ZNF385D: variants seen among roughly 807,000 people sequenced by gnomAD.
The protein encoded by ZNF385D is zinc finger protein 385D, also known as zinc finger protein 659.
A neutral mutation model predicts 35.8 loss-of-function variants in ZNF385D; 15 were observed. That is an observed-to-expected ratio of 0.42 (90% CI 0.28 to 0.64). ZNF385D has a LOEUF of 0.64. Among genes scored for constraint, ZNF385D ranks in the 30% least tolerant of loss-of-function variants. ZNF385D has a pLI of 0.23. For synonymous variants in ZNF385D, 212 were observed against 186.8 expected, an observed-to-expected ratio of 1.13 and a Z score of -1.10; for missense variants, 474 against 494.6, an observed-to-expected ratio of 0.96 and a Z score of 0.39.
At chr3:21,468,664 G>A (rs1169216059) in intron 4 of ZNF385D, among the ~76,000 whole-genome samples, 9 of 152,070 alleles carry the variant, frequency 5.9e-5, no homozygotes, top group Non-Finnish European at 8.8e-5. Context: ...GGTGGCTCAC[G>A]CCTGTAATCC....
intron 3 of ZNF385D, among the ~76,000 whole-genome samples, chr3:21,897,276 G>A (rs1699186443): frequency 6.6e-6 from 1 of 152,086 alleles, no homozygotes; most frequent in Non-Finnish European, 1.5e-5. Flanking sequence ...AGGCAAGAGG[G>A]GGATTAATAC....
intron 4 of ZNF385D, among the ~76,000 whole-genome samples, chr3:21,485,200 A>G (rs539581285): frequency 6.6e-6 from 1 of 152,310 alleles, no homozygotes; most frequent in East Asian, 1.9e-4. Context: ...TTTATTTCAC[A>G]TGTACGTGTT....
intron 3 of ZNF385D, among the ~76,000 whole-genome samples, chr3:21,955,993 T>C (rs1053631359): frequency 2.0e-5 from 3 of 151,982 alleles, no homozygotes; most frequent in Non-Finnish European, 4.4e-5. Flanking sequence ...TGAAACGAGC[T>C]TGGAAAACAT....
chr3:21,909,934 A>G (rs1699880444), intron 3 of ZNF385D, among the ~76,000 whole-genome samples: 1 of 152,090 alleles, frequency 6.6e-6, no homozygotes. Context: ...TTTTACAACA[A>G]ATTGCTTTTG....
intron 3 of ZNF385D, among the ~76,000 whole-genome samples, chr3:22,060,268 C>T (rs1576242046): frequency 6.6e-6 from 1 of 152,154 alleles, no homozygotes; most frequent in African/African-American, 2.4e-5. Context: ...ATAAATCCTC[C>T]TCTTATACTG....
rs561133074 is a variant in ZNF385D, at chr3:21,894,528, A to T, written c.326-229500T>A. ...ACACACTTTTATTTATTTTCAGCTGAAAGACTAGTTATAGCTATGACTTTA... is the reference window on the plus strand; with the variant it reads ...ACACACTTTTATTTATTTTCAGCTGTAAGACTAGTTATAGCTATGACTTTA... On this transcript the variant is annotated intron_variant, in intron 3 of 5. Transcript: ENST00000494108. Among the ~76,000 whole-genome samples the T allele has an allele frequency of 2.0e-5, 3 of 152,266 alleles. No individual in the cohort carries two copies. The South Asian group carries it at 6.2e-4, about 32-fold the overall frequency.
At chr3:22,270,693 T>C (rs1701128757) in intron 2 of ZNF385D, among the ~76,000 whole-genome samples, 1 of 151,968 alleles carries the variant, frequency 6.6e-6, no homozygotes, top group Non-Finnish European at 1.5e-5. Context: ...AGTAATAACC[T>C]AGATGATTTG....
chr3:22,033,402 A>AAATAAT (rs59555475), intron 3 of ZNF385D, among the ~76,000 whole-genome samples: 25,037 of 139,090 alleles, frequency 0.18, 2,426 homozygotes, highest in Middle Eastern at 0.23. Context: ...GCTGGCTCCA[A>AAATAAT]AATAATAATA....
chr3:21,928,976 A>G (rs1700877189), intron 3 of ZNF385D, among the ~76,000 whole-genome samples: 1 of 152,208 alleles, frequency 6.6e-6, no homozygotes, highest in Non-Finnish European at 1.5e-5. Context: ...AACTCATTTT[A>G]AGAGGCTACA....
chr3:22,309,295 A>G (rs1221214499), intron 2 of ZNF385D, among the ~76,000 whole-genome samples: 4 of 124,994 alleles, frequency 3.2e-5, no homozygotes, highest in African/African-American at 1.2e-4. Flanking sequence ...GTAATTATTT[A>G]TCTCTGCCCT....
chr3:22,041,672 T>C (rs1234754569), intron 3 of ZNF385D, among the ~76,000 whole-genome samples: 4 of 152,204 alleles, frequency 2.6e-5, no homozygotes, highest in East Asian at 1.9e-4. Context: ...ATAGTGGCAA[T>C]ATTTATATTG....
chr3:22,151,530 G>T (rs907893874), intron 3 of ZNF385D, among the ~76,000 whole-genome samples: 1 of 151,974 alleles, frequency 6.6e-6, no homozygotes, highest in African/African-American at 2.4e-5. Context: ...CATTATTTAG[G>T]GTTCTCCAGA....
At position 21,676,024 on chromosome 3, in the gene ZNF385D, G is replaced by A. The variant is rs190585282; in HGVS notation, c.23-10996C>T. Among the ~76,000 whole-genome samples, 497 of 152,160 alleles carry A rather than the reference G, an allele frequency of 3.3e-3. 3 individuals are homozygous for A. Among genetic ancestry groups the A allele is most frequent in the Admixed American group, 4.9e-3 (75 of 15,266 alleles). ...GATTTTTTCCACATTTTAATCTAAT[G>A]TTATTTCATAAAGACCATGGCACAA... On this transcript the variant is annotated intron_variant, in intron 1 of 7. Transcript: ENST00000281523.
intron 3 of ZNF385D, chr3:21,942,470 C>T (rs571872428): frequency 2.0e-5 from 3 of 152,250 alleles, no homozygotes; most frequent in Admixed American, 1.3e-4. Flanking sequence ...CGAATAAAAG[C>T]GCGTGGCCAC....
At chr3:22,149,770 G>C (rs777204007) in intron 3 of ZNF385D, among the ~76,000 whole-genome samples, 4 of 152,062 alleles carry the variant, frequency 2.6e-5, no homozygotes, top group Non-Finnish European at 5.9e-5. Context: ...TTCTTTCCCA[G>C]ACCACCTGCA....
intron 3 of ZNF385D, among the ~76,000 whole-genome samples, chr3:21,791,470 G>A (rs1185499687): frequency 6.6e-6 from 1 of 152,198 alleles, no homozygotes; most frequent in Admixed American, 6.5e-5. Context: ...CTTAAAATCA[G>A]AGGATTTAAG....
chr3:21,876,138 G>A (rs563907598), intron 3 of ZNF385D, among the ~76,000 whole-genome samples: 8 of 152,010 alleles, frequency 5.3e-5, no homozygotes, highest in African/African-American at 1.9e-4. Flanking sequence ...GATATTGTTT[G>A]CATCTTGTAA....
intron 7 of ZNF385D, among the ~76,000 whole-genome samples, chr3:21,422,502 A>G (rs1489478925): frequency 6.6e-6 from 1 of 152,186 alleles, no homozygotes; most frequent in Non-Finnish European, 1.5e-5. Context: ...TGAGGCCAGC[A>G]TCATCCTGAT....
At chr3:22,128,844 T>G (rs1037106874) in intron 3 of ZNF385D, among the ~76,000 whole-genome samples, 5 of 152,210 alleles carry the variant, frequency 3.3e-5, no homozygotes, top group African/African-American at 1.2e-4. Context: ...AACAGCTATT[T>G]TGAATGCTGA....
Sources: gnomAD v4.1 joint callset for allele counts (sites outside exome capture counted in the v4.1 genomes callset) on GRCh38, gnomAD v4.1.1 for gene constraint, MANE v1.5 for transcripts, NCBI Gene and HGNC (gene_info 2026-07-23, HGNC 2026-07-21) for gene names.